The following FIRRM variants were observed in gnomAD, a reference collection of about 807,000 sequenced individuals.
The protein encoded by FIRRM is FIGNL1 interacting regulator of recombination and mitosis.
chr1:169,841,676 C>T, the FIRRM span, among the ~76,000 whole-genome samples: 1 of 152,166 alleles, frequency 6.6e-6, no homozygotes, highest in Admixed American at 6.5e-5. Flanking sequence ...TGCAGTGTTG[C>T]TGAGGCATTT....
At chr1:169,833,503 A>G in the FIRRM span, among the ~76,000 whole-genome samples, 3 of 152,094 alleles carry the variant, frequency 2.0e-5, no homozygotes, top group Non-Finnish European at 2.9e-5. Context: ...AAAGCAGAAG[A>G]TATGTATAAC....
At chr1:169,795,234 C>A in the FIRRM span, 2 of 1,532,586 alleles carry the variant, frequency 1.3e-6, no homozygotes, top group South Asian at 2.4e-5. Context: ...TTGGTTGTCA[C>A]TTCTACCTAG....
At chr1:169,805,139 G>C in the FIRRM span, among the ~76,000 whole-genome samples, 5 of 152,340 alleles carry the variant, frequency 3.3e-5, no homozygotes, top group African/African-American at 1.2e-4. Context: ...TTTGTGCAGT[G>C]TATCAGGCAC....
the FIRRM span, among the ~76,000 whole-genome samples, chr1:169,824,636 C>T: frequency 8.5e-5 from 13 of 152,226 alleles, no homozygotes; most frequent in Non-Finnish European, 1.9e-4. Context: ...CACCACATTG[C>T]TGCATCCAGT....
chr1:169,798,788 A>T, the FIRRM span: 1 of 431,790 alleles, frequency 2.3e-6, no homozygotes, highest in Non-Finnish European at 3.8e-6. Flanking sequence ...TAAGCCAGTA[A>T]TTTGAGTCCA....
the FIRRM span, chr1:169,832,381 G>A: frequency 1.4e-5 from 20 of 1,419,496 alleles, no homozygotes; most frequent in Non-Finnish European, 1.9e-5. Flanking sequence ...TTCTAAATTA[G>A]TCAGTCTCTC....
At chr1:169,796,723 A>G in the FIRRM span, among the ~76,000 whole-genome samples, 2 of 152,166 alleles carry the variant, frequency 1.3e-5, no homozygotes. Context: ...TTTTTAAACC[A>G]CTTTACCTTC....
the FIRRM span, among the ~76,000 whole-genome samples, chr1:169,814,640 G>A: frequency 2.0e-5 from 3 of 152,246 alleles, no homozygotes; most frequent in East Asian, 5.8e-4. Flanking sequence ...AAGTGCTCCC[G>A]AGAATTCCTT....
chr1:169,835,371 G>A, the FIRRM span, among the ~76,000 whole-genome samples: 2 of 152,114 alleles, frequency 1.3e-5, no homozygotes, highest in African/African-American at 4.8e-5. Flanking sequence ...ACTATTAGTA[G>A]TATTCCATTG....
the FIRRM span, among the ~76,000 whole-genome samples, chr1:169,824,716 G>A: frequency 3.7e-3 from 567 of 152,188 alleles, 5 homozygotes; most frequent in African/African-American, 0.013. Context: ...TTGTTCTGTT[G>A]GTTTCTAGGG....
chr1:169,786,025 A>G, the FIRRM span, among the ~76,000 whole-genome samples: 1 of 152,226 alleles, frequency 6.6e-6, no homozygotes, highest in Non-Finnish European at 1.5e-5. Context: ...AATGATTTCA[A>G]CTGTAACTAA....
At chr1:169,792,785 T>C in the FIRRM span, 2 of 1,612,858 alleles carry the variant, frequency 1.2e-6, no homozygotes, top group Non-Finnish European at 1.7e-6. Flanking sequence ...CTGGTGCAAA[T>C]TACTATAATA....
chr1:169,807,720 A>G, the FIRRM span: 2 of 1,327,662 alleles, frequency 1.5e-6, no homozygotes, highest in Non-Finnish European at 2.0e-6. Context: ...CAAGGTAGAT[A>G]TTGTTAGAGG....
At chr1:169,817,292 C>T in the FIRRM span, among the ~76,000 whole-genome samples, 3 of 152,150 alleles carry the variant, frequency 2.0e-5, no homozygotes, top group Non-Finnish European at 4.4e-5. Context: ...TGAAAAGCAC[C>T]TGTCAAAGTC....
At chr1:169,852,053 G>T in the FIRRM span, 2 of 1,398,860 alleles carry the variant, frequency 1.4e-6, no homozygotes, top group South Asian at 1.2e-5. Context: ...AAATCAAATA[G>T]ATCTAGACAT....
At chr1:169,806,111 A>G in the FIRRM span, 16 of 1,415,200 alleles carry the variant, frequency 1.1e-5, no homozygotes, top group Admixed American at 2.0e-5. Flanking sequence ...GTTATTTTTT[A>G]CTTTTTAGAA....
At chr1:169,843,223 C>A in the FIRRM span, among the ~76,000 whole-genome samples, 2 of 152,168 alleles carry the variant, frequency 1.3e-5, no homozygotes, top group Non-Finnish European at 2.9e-5. Flanking sequence ...TTGGCTTCAA[C>A]AAATACTTTT....
chr1:169,807,374 G>A, the FIRRM span, among the ~76,000 whole-genome samples: 1 of 152,258 alleles, frequency 6.6e-6, no homozygotes, highest in Non-Finnish European at 1.5e-5. Context: ...CTAAGAATAA[G>A]TTAGATTAGG....
chr1:169,810,649 T>A, the FIRRM span, among the ~76,000 whole-genome samples: 1 of 151,924 alleles, frequency 6.6e-6, no homozygotes, highest in Non-Finnish European at 1.5e-5. Flanking sequence ...TATTTCCAAA[T>A]AAGGCCACAT....
Sources: gnomAD v4.1 joint callset for allele counts (sites outside exome capture counted in the v4.1 genomes callset) on GRCh38, gnomAD v4.1.1 for gene constraint, MANE v1.5 for transcripts, NCBI Gene and HGNC (gene_info 2026-07-23, HGNC 2026-07-21) for gene names.